Variants in LYPD6 observed in about 807,000 individuals in gnomAD.
The protein encoded by LYPD6 is ly6/PLAUR domain-containing protein 6.
Under a neutral mutation model 22.7 loss-of-function variants are expected in LYPD6, and 15 were observed. That is an observed-to-expected ratio of 0.66 (90% confidence interval 0.44 to 1.02). The LOEUF (loss-of-function observed/expected upper bound fraction) is 1.02. Among genes scored for constraint, LYPD6 ranks in the 50% least tolerant of loss-of-function variants. The pLI, the probability that LYPD6 is intolerant of heterozygous loss-of-function variation, is 0.00. For missense variants in LYPD6, 189 were observed against 208.4 expected, an observed-to-expected ratio of 0.91 and a Z score of 0.57; for synonymous variants, 72 against 77.5, an observed-to-expected ratio of 0.93 and a Z score of 0.37.
intron 1 of LYPD6, among the ~76,000 whole-genome samples, chr2:149,416,228 C>T (rs1682959412): frequency 6.6e-6 from 1 of 152,180 alleles, no homozygotes. Flanking sequence ...GAGCTGCCCA[C>T]TCTGAGTTCT....
At chr2:149,345,266 T>C (rs1206622363) in intron 1 of LYPD6, among the ~76,000 whole-genome samples, 2 of 152,078 alleles carry the variant, frequency 1.3e-5, no homozygotes, top group Non-Finnish European at 2.9e-5. Context: ...CTGTAGGCTA[T>C]GTGTTTGGTT....
chr2:149,411,956 A>G (rs187861846), intron 1 of LYPD6, among the ~76,000 whole-genome samples: 1 of 152,186 alleles, frequency 6.6e-6, no homozygotes, highest in Non-Finnish European at 1.5e-5. Context: ...TTCTCGTAAT[A>G]TAGCATATGG....
At chr2:149,419,067 A>C (rs1008273590) in intron 1 of LYPD6, among the ~76,000 whole-genome samples, 5 of 152,200 alleles carry the variant, frequency 3.3e-5, no homozygotes, top group Non-Finnish European at 7.3e-5. Context: ...CCTACCTCAG[A>C]GGGTAATTGA....
chr2:149,402,916 T>G (rs888850743), intron 1 of LYPD6, among the ~76,000 whole-genome samples: 3 of 139,494 alleles, frequency 2.2e-5, no homozygotes, highest in African/African-American at 7.8e-5. Context: ...AAGTGTGATG[T>G]TCCCCTTCCT....
In LYPD6 at chr2:149,346,941, C is replaced by T. The variant is rs182981026; in HGVS notation, c.-72+16219C>T. 6.1e-3 allele frequency among the ~76,000 whole-genome samples: 930 copies of T among 152,226 alleles called. 2 individuals carry two copies. The highest frequency in any genetic ancestry group is 0.014 in the South Asian group (68 of 4,812). On this transcript the variant is annotated intron_variant, in intron 1 of 4. Transcript: ENST00000334166. ...GTCTTGATCTCTTCACCTTATGATC[C>T]GCCCGCCTTGGCCTCCCAAAGTTCT... is the stretch of plus-strand genomic sequence containing the variant.
intron 1 of LYPD6, among the ~76,000 whole-genome samples, chr2:149,370,202 G>A (rs936932214): frequency 1.3e-5 from 2 of 152,124 alleles, no homozygotes; most frequent in Non-Finnish European, 2.9e-5. Context: ...TTTGACAACT[G>A]AAGAATCTGG....
chr2:149,477,203 C>T (rs991302095), downstream of LYPD6, among the ~76,000 whole-genome samples: 3 of 152,166 alleles, frequency 2.0e-5, no homozygotes, highest in African/African-American at 7.2e-5. Context: ...TTTGCCACTG[C>T]CCTAAATACC....
chr2:149,393,152 C>A (rs181379062), intron 1 of LYPD6, among the ~76,000 whole-genome samples: 1 of 152,200 alleles, frequency 6.6e-6, no homozygotes, highest in South Asian at 2.1e-4. Flanking sequence ...TCCGAAGTTA[C>A]AATGACTCAG....
At chr2:149,343,733 C>T (rs1490879820) in intron 1 of LYPD6, among the ~76,000 whole-genome samples, 1 of 152,166 alleles carries the variant, frequency 6.6e-6, no homozygotes, top group East Asian at 1.9e-4. Context: ...AAACTCTCAT[C>T]ATGCTGTTTG....
intron 1 of LYPD6, among the ~76,000 whole-genome samples, chr2:149,370,978 G>A (rs535078179): frequency 1.3e-5 from 2 of 152,194 alleles, no homozygotes; most frequent in African/African-American, 4.8e-5. Context: ...AATAATGAAC[G>A]TAGCTAATGA....
rs1558811946 is a variant in LYPD6, at chr2:149,449,108, G to C, written c.178G>C (p.Glu60Gln). 1 of 1,613,486 alleles carries C rather than the reference G, an allele frequency of 6.2e-7. No homozygotes were observed. Among genetic ancestry groups the C allele is most frequent in the Non-Finnish European group, 8.5e-7 (1 of 1,179,718 alleles). ...FTCEKAADNY[E>Q]CNRWAPDIYC... ...CTGTGAAAAGGCAGCAGACAATTAT[G>C]AGTGCAACCGATGGGCTCCAGACAT... Residue 60 changes from glutamate (E) to glutamine (Q), a missense_variant, in exon 3 of 5, where the codon GAG (glutamate) becomes CAG (glutamine). Transcript: ENST00000334166.
chr2:149,404,860 G>C (rs1048242503), intron 1 of LYPD6, among the ~76,000 whole-genome samples: 6 of 152,136 alleles, frequency 3.9e-5, no homozygotes, highest in Non-Finnish European at 5.9e-5. Flanking sequence ...GTATGATATT[G>C]GCTGTGGGTT....
intron 1 of LYPD6, among the ~76,000 whole-genome samples, chr2:149,351,392 T>TAAAAAA (rs71397025): frequency 9.6e-5 from 8 of 83,102 alleles, no homozygotes; most frequent in East Asian, 4.1e-4. Flanking sequence ...AGACTCCATC[T>TAAAAAA]AAAAAAAAAA....
chr2:149,474,269 T>C (rs1213836261), downstream of LYPD6: 1 of 152,120 alleles, frequency 6.6e-6, no homozygotes, highest in African/African-American at 2.4e-5. Context: ...CCATCATGGC[T>C]CACTGGAGCC....
intron 1 of LYPD6, among the ~76,000 whole-genome samples, chr2:149,379,992 A>G (rs1361955010): frequency 6.6e-6 from 1 of 152,210 alleles, no homozygotes; most frequent in East Asian, 1.9e-4. Flanking sequence ...AAGGATTTGC[A>G]GTTTTCGATA....
intron 1 of LYPD6, among the ~76,000 whole-genome samples, chr2:149,378,283 A>C (rs781201220): frequency 6.6e-6 from 1 of 151,866 alleles, no homozygotes; most frequent in Non-Finnish European, 1.5e-5. Context: ...ACGCCCAGCT[A>C]ATTTTTGTAT....
intron 1 of LYPD6, among the ~76,000 whole-genome samples, chr2:149,364,267 C>G (rs1172432397): frequency 6.6e-6 from 1 of 152,108 alleles, no homozygotes; most frequent in Non-Finnish European, 1.5e-5. Context: ...TCTCTTTTTC[C>G]CTGTCCTGCC....
At chr2:149,458,159 C>T (rs764276138) in intron 3 of LYPD6, among the ~76,000 whole-genome samples, 18 of 152,162 alleles carry the variant, frequency 1.2e-4, no homozygotes, top group Admixed American at 4.6e-4. Context: ...AATGAGATGT[C>T]CCAACCTTTC....
In LYPD6 at chr2:149,430,471, C is replaced by T. The variant is rs114923205; in HGVS notation, c.-71-7167C>T. On this transcript the variant is annotated intron_variant, in intron 1 of 4. Coordinates refer to ENST00000334166, the MANE Select transcript of LYPD6 (RefSeq NM_194317.5). The stretch of plus-strand genomic sequence containing the variant: ...TTGCATGAAAGGTGCCTGTGGTCAG[C>T]GTGATATATTTAAAGAGACTTAGCT... Among the ~76,000 whole-genome samples the T allele has an allele frequency of 9.3e-3, 1,415 of 152,206 alleles. 20 individuals carry two copies. Among genetic ancestry groups the T allele is most frequent in the African/African-American group, 0.033 (1,352 of 41,524 alleles).
Sources: gnomAD v4.1 joint callset for allele counts (sites outside exome capture counted in the v4.1 genomes callset) on GRCh38, gnomAD v4.1.1 for gene constraint, MANE v1.5 for transcripts, NCBI Gene and HGNC (gene_info 2026-07-23, HGNC 2026-07-21) for gene names.